SLC37A1: variants seen among roughly 807,000 people sequenced by gnomAD.
SLC37A1 encodes solute carrier family 37 member 1.
Under a neutral mutation model 75.3 loss-of-function variants are expected in SLC37A1, and 49 were observed. The ratio of observed to expected loss-of-function variants is 0.65; its 90% CI spans 0.52 to 0.83. The LOEUF is 0.83. SLC37A1 is among the 40% of genes least tolerant of loss of function. SLC37A1 has a pLI of 0.00. For synonymous variants in SLC37A1, 268 were observed against 292.1 expected (o/e 0.92, Z 0.84); for missense variants, 566 against 695.0 (o/e 0.81, Z 2.09).
intron 17 of SLC37A1, among the ~76,000 whole-genome samples, chr21:42,574,404 C>T (rs1002064051): frequency 7.9e-5 from 12 of 152,222 alleles, no homozygotes; most frequent in African/African-American, 2.4e-4. Context: ...GCTGTGCCAG[C>T]TCTGCCTTCC....
At chr21:42,569,331 C>T (rs1364995441) in intron 17 of SLC37A1, among the ~76,000 whole-genome samples, 8 of 152,164 alleles carry the variant, frequency 5.3e-5, no homozygotes, top group Middle Eastern at 3.2e-3. Context: ...CATCACAGCA[C>T]GTTTCTGGGT....
At chr21:42,539,411 C>T in intron 5 of SLC37A1, 101 bp from the exon 6 acceptor site, 3 of 1,358,238 alleles carry the variant, frequency 2.2e-6, no homozygotes, top group Non-Finnish European at 2.0e-6. Context: ...TCCCCAAGCT[C>T]AGAGAACAGC....
chr21:42,576,441 A>C (rs1188790946), intron 18 of SLC37A1, among the ~76,000 whole-genome samples: 3 of 152,128 alleles, frequency 2.0e-5, no homozygotes, highest in Non-Finnish European at 4.4e-5. Flanking sequence ...ACAAATCTCA[A>C]CCCTGCAGCA....
intron 8 of SLC37A1, among the ~76,000 whole-genome samples, chr21:42,546,216 G>A (rs2146901959): frequency 6.6e-6 from 1 of 152,366 alleles, no homozygotes; most frequent in East Asian, 1.9e-4. Flanking sequence ...CCTGGGGTCT[G>A]ACTCTGGGTT....
intron 6 of SLC37A1, among the ~76,000 whole-genome samples, chr21:42,539,940 T>C (rs895443102): frequency 8.5e-5 from 13 of 152,180 alleles, no homozygotes; most frequent in African/African-American, 3.1e-4. Context: ...TGTCTTCATG[T>C]GGATAAGTTT....
At position 42,554,270 on chromosome 21, in the gene SLC37A1, C is replaced by T. The variant is rs183858472; in HGVS notation, c.849+128C>T. ...CAAACATCCAGGTCTTAAAAAAATT[C>T]TGTCTCATTGTATTTCTTCAGTAAA... is the stretch of plus-strand genomic sequence containing the variant. On this transcript the variant is annotated intron_variant, in intron 10 of 19. Transcript: ENST00000352133. 1.1e-4 allele frequency: 87 copies of T among 791,852 alleles called. 1 individual carries two copies. In the East Asian group the frequency reaches 2.2e-3, roughly 20 times the overall value. 49.1% of individuals were successfully genotyped at this position (791,852 alleles called of 1,614,324 possible). A position where few individuals can be genotyped will look rare whatever the true frequency, so the allele number is the denominator to read the frequency against.
At chr21:42,555,975 C>A (rs2055680854) in intron 10 of SLC37A1, among the ~76,000 whole-genome samples, 1 of 152,212 alleles carries the variant, frequency 6.6e-6, no homozygotes, top group South Asian at 2.1e-4. Flanking sequence ...CCTGGATGTC[C>A]CCTTTCCCAG....
In SLC37A1 at chr21:42,543,495, C is replaced by G; in HGVS notation, c.623C>G (p.Ser208Ter). 1 of 1,614,216 alleles carries G rather than the reference C, an allele frequency of 6.2e-7. No homozygotes were observed. Among genetic ancestry groups the G allele is most frequent in the Non-Finnish European group, 8.5e-7 (1 of 1,180,026 alleles). The change falls in exon 8 of 20, where the codon TCA (serine) becomes TGA (stop). Residue 208 changes from serine (S) to a stop codon, truncating the protein, a stop_gained. Coordinates refer to ENST00000352133, the MANE Select transcript of SLC37A1 (RefSeq NM_001320537.2). LOFTEE classifies it high-confidence loss of function. ...SHTSVGNILG[S>*]LIAGYWVSTC... The stretch of plus-strand genomic sequence containing the variant: ...ACCTCCGTGGGCAACATCTTGGGGT[C>G]ATTGATCGCTGGCTACTGGGTGTCC...
intron 9 of SLC37A1, among the ~76,000 whole-genome samples, chr21:42,553,684 C>T (rs1027127686): frequency 2.0e-5 from 3 of 150,746 alleles, no homozygotes; most frequent in African/African-American, 7.3e-5. Context: ...TTTTTTCCTT[C>T]AGAAGCATTC....
chr21:42,533,521 T>G (rs2055051644), intron 3 of SLC37A1, among the ~76,000 whole-genome samples: 1 of 152,064 alleles, frequency 6.6e-6, no homozygotes, highest in African/African-American at 2.4e-5. Flanking sequence ...CCTGGAAGTG[T>G]TGTTCCTCTT....
chr21:42,564,804 C>G lies in SLC37A1; in HGVS notation c.1221+11C>G, dbSNP rs767170019. On this transcript the variant is annotated intron_variant, in intron 14 of 19. Coordinates refer to ENST00000352133, the MANE Select transcript of SLC37A1 (RefSeq NM_001320537.2). ...CTCGCGGCCCCCACGGTCAGCCGTG[C>G]TGCCTTCCCTGGGCCCCAAAGCCTG... 6.2e-7 allele frequency: 1 copy of G among 1,601,738 alleles called. No individual in the cohort carries two copies. Among genetic ancestry groups the G allele is most frequent in the Non-Finnish European group, 8.5e-7 (1 of 1,179,318 alleles).
intron 8 of SLC37A1, among the ~76,000 whole-genome samples, chr21:42,543,930 G>A (rs2055347141): frequency 2.6e-5 from 4 of 152,136 alleles, no homozygotes; most frequent in Non-Finnish European, 5.9e-5. Flanking sequence ...TGCCCATCTT[G>A]CCACCACAGC....
chr21:42,527,446 G>A (rs974573806), intron 3 of SLC37A1, among the ~76,000 whole-genome samples: 1 of 152,144 alleles, frequency 6.6e-6, no homozygotes, highest in Non-Finnish European at 1.5e-5. Context: ...TCAAGACTTA[G>A]GGCTTCTGAG....
At chr21:42,576,428 G>A (rs1433838171) in intron 18 of SLC37A1, among the ~76,000 whole-genome samples, 1 of 151,976 alleles carries the variant, frequency 6.6e-6, no homozygotes, top group Non-Finnish European at 1.5e-5. Context: ...GAAGCAAATA[G>A]GGACAAATCT....
rs911628602 is a variant in SLC37A1, at chr21:42,568,515, C to T, written c.1423+77C>T. 5.0e-6 allele frequency: 7 copies of T among 1,399,932 alleles called. No homozygotes were observed. In the Admixed American group the frequency reaches 7.7e-5, roughly 15 times the overall value. The allele number at this position is 1,399,932 out of a possible 1,614,324, so 86.7% of individuals were successfully genotyped here. On this transcript the variant is annotated intron_variant, in intron 17 of 19. Coordinates refer to ENST00000352133, the MANE Select transcript of SLC37A1 (RefSeq NM_001320537.2). ...ATTGTCACATGCTCGTGAACAGGTACCCAGGGTTCCAACTGCATCTATAAC... is the reference window on the plus strand; with the variant it reads ...ATTGTCACATGCTCGTGAACAGGTATCCAGGGTTCCAACTGCATCTATAAC...
chr21:42,568,147 A>G (rs947111119), intron 16 of SLC37A1, among the ~76,000 whole-genome samples: 18 of 152,252 alleles, frequency 1.2e-4, no homozygotes. Flanking sequence ...GAGTTCTTGT[A>G]ACTAGAACCA....
intron 2 of SLC37A1, among the ~76,000 whole-genome samples, chr21:42,503,235 G>T (rs2054355827): frequency 6.7e-6 from 1 of 148,312 alleles, no homozygotes. Flanking sequence ...TATTACTTAA[G>T]GAAATTATAC....
At chr21:42,571,194 C>T (rs73375846) in intron 17 of SLC37A1, among the ~76,000 whole-genome samples, 4,993 of 152,288 alleles carry the variant, frequency 0.033, 281 homozygotes, top group African/African-American at 0.11. Context: ...CCATGTCAGC[C>T]AAGTCCCTTC....
chr21:42,545,658 C>A lies in SLC37A1; in HGVS notation c.731-1445C>A, dbSNP rs2055388894. ...TGCCCAAGTCCCTGAAGGTGAAAGT[C>A]CAGGAAGAGCCATATCAGGGGAAGC... On this transcript the variant is annotated intron_variant, in intron 8 of 19. Transcript: ENST00000352133. The surrounding 1 kb of genome is among the most constrained non-coding windows in gnomAD (Gnocchi z 4.0). Among the ~76,000 whole-genome samples, 1 of 152,232 alleles carries A rather than the reference C, an allele frequency of 6.6e-6. No homozygotes were observed. The highest frequency in any genetic ancestry group is 6.5e-5 in the Admixed American group (1 of 15,292).
Sources: gnomAD v4.1 joint callset for allele counts (sites outside exome capture counted in the v4.1 genomes callset) on GRCh38, gnomAD v4.1.1 for gene constraint, Gnocchi (gnomAD v3.1) non-coding constraint, MANE v1.5 for transcripts, NCBI Gene and HGNC (gene_info 2026-07-23, HGNC 2026-07-21) for gene names.